Variants in WIPF1 observed in about 807,000 individuals in gnomAD.
WIPF1 encodes WAS/WASL interacting protein family member 1.
A neutral mutation model predicts 35.4 loss-of-function variants in WIPF1; 13 were observed. That is an observed-to-expected ratio of 0.37 (90% CI 0.24 to 0.58). The LOEUF (loss-of-function observed/expected upper bound fraction) is 0.58. Ranked by LOEUF, WIPF1 falls within the 20% of genes least tolerant of loss-of-function variation. The pLI is 0.74. For missense variants in WIPF1, 591 were observed against 667.0 expected (o/e 0.89, Z 1.25); for synonymous variants, 267 against 266.3 (o/e 1.00, Z -0.02).
chr2:174,677,530 A>T (rs1324337642), intron 1 of WIPF1, among the ~76,000 whole-genome samples: 1 of 152,248 alleles, frequency 6.6e-6, no homozygotes, highest in African/African-American at 2.4e-5. Context: ...GAGAAGGCAG[A>T]ATCAGCAAAT....
At chr2:174,666,112 C>T (rs1351167568) in intron 1 of WIPF1, among the ~76,000 whole-genome samples, 3 of 152,158 alleles carry the variant, frequency 2.0e-5, no homozygotes, top group East Asian at 1.9e-4. Context: ...GAGACCTCAT[C>T]TCTACAAAAC....
Position 174,572,021 on chromosome 2 carries a change from C to T in WIPF1, c.784G>A (p.Asp262Asn), listed in dbSNP as rs773737901. 6.5e-7 allele frequency: 1 copy of T among 1,545,378 alleles called. No individual in the cohort carries two copies. Among genetic ancestry groups the T allele is most frequent in the South Asian group, 1.3e-5 (1 of 78,810 alleles). The change falls in exon 5 of 8, where the codon GAC becomes AAC. Residue 262 changes from aspartate (D) to asparagine (N), a missense_variant. Transcript: ENST00000679041. ...GGAGGAGGTGGTGGAGGGGGTTTGT[C>T]ATCCAAGGCCCTGCTGGGGGTAGGC... Reference protein sequence around the residue: ...LPPTPSRALDDKPPPPPPPVG... With the variant: ...LPPTPSRALDNKPPPPPPPVG...
intron 1 of WIPF1, among the ~76,000 whole-genome samples, chr2:174,588,550 G>A (rs1213310996): frequency 6.6e-6 from 1 of 152,182 alleles, no homozygotes; most frequent in African/African-American, 2.4e-5. Context: ...CTCTGTTGCT[G>A]CTGTTTTAGT....
Position 174,572,142 on chromosome 2 carries a change from A to G in WIPF1, c.663T>C (p.Pro221=). 6.2e-7 allele frequency: 1 copy of G among 1,612,178 alleles called. No individual in the cohort carries two copies. Among genetic ancestry groups the G allele is most frequent in the Non-Finnish European group, 8.5e-7 (1 of 1,179,148 alleles). ...AAGCAGTGCCGCGGTTTCCAGGGAA[A>G]GGGGGAGGAGTGGGCCCGGGGCTGG... The part of the protein sequence containing the change: ...RQPSPGPTPP[P]FPGNRGTALG... The change falls in exon 5 of 8, where the codon CCT becomes CCC. Residue 221 remains proline (P), a synonymous_variant. Transcript: ENST00000679041.
At chr2:174,660,274 G>A (rs944678835) in intron 1 of WIPF1, among the ~76,000 whole-genome samples, 2 of 152,178 alleles carry the variant, frequency 1.3e-5, no homozygotes, top group Admixed American at 6.5e-5. Context: ...CAGACTGCCT[G>A]GGTCCAAACC....
chr2:174,670,771 C>G (rs1377328248), intron 1 of WIPF1, among the ~76,000 whole-genome samples: 1 of 152,232 alleles, frequency 6.6e-6, no homozygotes. Flanking sequence ...GGTCAGAATT[C>G]TCAATGGCAA....
chr2:174,640,919 T>C (rs1428038510), intron 1 of WIPF1, among the ~76,000 whole-genome samples: 1 of 152,138 alleles, frequency 6.6e-6, no homozygotes, highest in Non-Finnish European at 1.5e-5. Flanking sequence ...GAAATTCATA[T>C]GAAACCATAA....
At chr2:174,589,548 G>A (rs1004189788) in intron 1 of WIPF1, among the ~76,000 whole-genome samples, 3 of 152,288 alleles carry the variant, frequency 2.0e-5, no homozygotes, top group East Asian at 1.9e-4. Flanking sequence ...CCTAGAGCAC[G>A]GATCCTAACA....
At chr2:174,579,423 C>T (rs1337292031) in intron 3 of WIPF1, among the ~76,000 whole-genome samples, 1 of 152,186 alleles carries the variant, frequency 6.6e-6, no homozygotes, top group African/African-American at 2.4e-5. Context: ...GCTGAGTTAT[C>T]ACACATAACC....
chr2:174,565,627 G>A (rs1485616586), intron 7 of WIPF1, among the ~76,000 whole-genome samples: 3 of 152,136 alleles, frequency 2.0e-5, no homozygotes, highest in East Asian at 1.9e-4. Context: ...CTCCTATAAG[G>A]TTTGGAACCA....
intron 1 of WIPF1, among the ~76,000 whole-genome samples, chr2:174,635,541 T>G (rs1035147145): frequency 4.0e-5 from 6 of 148,712 alleles, no homozygotes; most frequent in South Asian, 4.3e-4. Flanking sequence ...TTTTTTTTTT[T>G]TTTTTTTTTT....
intron 1 of WIPF1, among the ~76,000 whole-genome samples, chr2:174,632,690 CA>C (rs1455459379): frequency 1.3e-4 from 12 of 94,186 alleles, no homozygotes; most frequent in Non-Finnish European, 1.7e-4. Flanking sequence ...ACCTAGGCGA[CA>C]AGAGCAAAAC....
Position 174,585,507 on chromosome 2 carries a change from GGGA to G in WIPF1, c.51+13_51+15del. On this transcript the variant is annotated intron_variant, in intron 2 of 7. Transcript: ENST00000679041. ...TTGCTTTATGCATAGAAAGTGTTTGGGGAGGAGACACTCACCAGTGCAAACGTC... is the reference window on the plus strand; with the variant it reads ...TTGCTTTATGCATAGAAAGTGTTTGGGGAGACACTCACCAGTGCAAACGTC... 1 of 1,612,334 alleles carries G rather than the reference GGGA, an allele frequency of 6.2e-7. No individual in the cohort carries two copies. The highest frequency in any genetic ancestry group is 1.1e-5 in the South Asian group (1 of 90,980).
At chr2:174,632,107 T>G (rs1864453) in intron 1 of WIPF1, among the ~76,000 whole-genome samples, 3 of 152,060 alleles carry the variant, frequency 2.0e-5, no homozygotes, top group Non-Finnish European at 4.4e-5. Flanking sequence ...CCTTTAAACT[T>G]AACTCAGTAT....
At chr2:174,572,576 A>T in intron 4 of WIPF1, 130 bp from the exon 5 acceptor site, 1 of 1,278,308 alleles carries the variant, frequency 7.8e-7, no homozygotes, top group Non-Finnish European at 1.1e-6. Context: ...ACTATTATTT[A>T]TATAAATTGG....
chr2:174,570,713 A>G (rs1345005001), intron 5 of WIPF1: 3 of 152,214 alleles, frequency 2.0e-5, no homozygotes, highest in Non-Finnish European at 4.4e-5. Flanking sequence ...GAGCAAGTTT[A>G]AAGAATGGTG....
intron 1 of WIPF1, among the ~76,000 whole-genome samples, chr2:174,634,295 T>G (rs1322885295): frequency 2.0e-5 from 3 of 152,250 alleles, no homozygotes; most frequent in African/African-American, 7.2e-5. Flanking sequence ...AGAGAAGTTC[T>G]AAACAGGGAA....
At chr2:174,595,848 T>C (rs145043344) in intron 1 of WIPF1, among the ~76,000 whole-genome samples, 12 of 152,330 alleles carry the variant, frequency 7.9e-5, no homozygotes, top group African/African-American at 2.6e-4. Context: ...AATGCTTTCT[T>C]CAACAACAAG....
At chr2:174,641,978 C>G (rs111465840) in intron 1 of WIPF1, among the ~76,000 whole-genome samples, 2 of 152,168 alleles carry the variant, frequency 1.3e-5, no homozygotes, top group South Asian at 4.1e-4. Context: ...TCAGTTCTAT[C>G]GGTGCAGAGA....
Sources: allele counts gnomAD v4.1 joint callset (sites outside exome capture counted in the v4.1 genomes callset), GRCh38; gene constraint gnomAD v4.1.1; transcripts MANE v1.5; gene names NCBI Gene and HGNC (gene_info 2026-07-23, HGNC 2026-07-21).